Variants in CFLAR observed in about 807,000 individuals in gnomAD.
CFLAR encodes CASP8 and FADD-like apoptosis regulator.
Under a neutral mutation model 51.1 loss-of-function variants are expected in CFLAR, and 14 were observed. That is an observed-to-expected ratio of 0.27 (90% confidence interval 0.18 to 0.43). The LOEUF (loss-of-function observed/expected upper bound fraction) is 0.43. Among genes scored for constraint, CFLAR ranks in the 20% least tolerant of loss-of-function variants. The probability of loss-of-function intolerance (pLI) is 1.00; values close to 1 mark genes in which losing one functional copy is unlikely to be tolerated. For missense variants in CFLAR, 390 were observed against 566.5 expected (o/e 0.69, Z 3.16); for synonymous variants, 210 against 211.6 (o/e 0.99, Z 0.06).
intron 6 of CFLAR, chr2:201,148,795 C>G (rs1213667894): frequency 2.0e-6 from 1 of 490,974 alleles, no homozygotes; most frequent in African/African-American, 2.0e-5. Flanking sequence ...TCCAGATAGC[C>G]CCTGATAGCA....
intron 3 of CFLAR, 90 bp downstream of exon 3, chr2:201,133,224 C>G (rs1269260353): frequency 7.9e-6 from 7 of 883,616 alleles, no homozygotes; most frequent in Non-Finnish European, 1.1e-5. Context: ...AGCAGGCAGT[C>G]TGCCGCCACT....
intron 8 of CFLAR, among the ~76,000 whole-genome samples, chr2:201,155,285 CAG>C (rs1941971451): frequency 2.7e-5 from 4 of 149,416 alleles, no homozygotes. Flanking sequence ...TTTTTTGAGA[CAG>C]AGTCTCGCTC....
chr2:201,146,095 T>C (rs765114724), intron 6 of CFLAR, among the ~76,000 whole-genome samples: 8 of 152,032 alleles, frequency 5.3e-5, no homozygotes, highest in Non-Finnish European at 7.4e-5. Context: ...GCCTCCTGAG[T>C]AGCTGGGATT....
chr2:201,162,102 T>TTTTTGTTTG (rs895745887), intron 9 of CFLAR, among the ~76,000 whole-genome samples: 1 of 151,974 alleles, frequency 6.6e-6, no homozygotes, highest in Non-Finnish European at 1.5e-5. Context: ...AAGTATATCT[T>TTTTTGTTTG]TTTTGTTTGT....
rs1943950367 is a variant in CFLAR, at chr2:201,170,543, A to T, written c.*6570A>T. 4 of 152,248 alleles carry T rather than the reference A, an allele frequency of 2.6e-5. No individual in the cohort carries two copies. Among genetic ancestry groups the T allele is most frequent in the Non-Finnish European group, 5.9e-5 (4 of 68,042 alleles). The allele number at this position is 152,248 out of a possible 1,614,324, so 9.4% of individuals were successfully genotyped here. A position where few individuals can be genotyped will look rare whatever the true frequency, so the allele number is the denominator to read the frequency against. On this transcript the variant is annotated 3_prime_UTR_variant, in exon 10 of 10. Coordinates refer to ENST00000309955, the MANE Select transcript of CFLAR (RefSeq NM_003879.7). ...AGATAAGTAGTTGAATTATGGATTT[A>T]AAATACATATCATTTTCTAACTCCA...
At chr2:201,135,251 G>A (rs1428844085) in intron 3 of CFLAR, among the ~76,000 whole-genome samples, 1 of 152,118 alleles carries the variant, frequency 6.6e-6, no homozygotes, top group African/African-American at 2.4e-5. Context: ...TATAACATGT[G>A]ATTTTTCTCA....
rs969043005 is a variant in CFLAR, at chr2:201,166,545, C to T, written c.*2572C>T. ...TGGGCGGCCGGGCAGAGACGCTCCT[C>T]ACTTCATCCCAGACGGGGTGGCGGC... On this transcript the variant is annotated 3_prime_UTR_variant, in exon 10 of 10. Transcript: ENST00000309955. 1.6e-5 allele frequency: 3 copies of T among 183,970 alleles called. No homozygotes were observed. The highest frequency in any genetic ancestry group is 2.4e-5 in the African/African-American group (1 of 41,694). 11.4% of individuals were successfully genotyped at this position (183,970 alleles called of 1,614,324 possible).
chr2:201,121,961 C>A (rs2048228437), intron 1 of CFLAR, among the ~76,000 whole-genome samples: 2 of 152,158 alleles, frequency 1.3e-5, no homozygotes, highest in African/African-American at 2.4e-5. Flanking sequence ...AGTTAGACAT[C>A]CAGTTCCTCT....
intron 3 of CFLAR, among the ~76,000 whole-genome samples, chr2:201,134,219 A>T (rs2049766664): frequency 1.3e-5 from 2 of 151,986 alleles, no homozygotes; most frequent in South Asian, 4.1e-4. Flanking sequence ...AAGGCAGGAG[A>T]ATCACTTGAA....
rs911698197 is a variant in CFLAR, at chr2:201,176,650, T to A, written c.*12677T>A. On this transcript the variant is annotated 3_prime_UTR_variant, in exon 10 of 10. Coordinates refer to ENST00000309955, the MANE Select transcript of CFLAR (RefSeq NM_003879.7). ...AAGGCCTTTCTGCGTTTATCTTACC[T>A]TTTTTGAGCAGCATTAAAACTGTTT... 6.6e-6 allele frequency: 1 copy of A among 152,102 alleles called. No individual in the cohort carries two copies. Among genetic ancestry groups the A allele is most frequent in the African/African-American group, 2.4e-5 (1 of 41,412 alleles). The allele number at this position is 152,102 out of a possible 1,614,324, so 9.4% of individuals were successfully genotyped here. A position where few individuals can be genotyped will look rare whatever the true frequency, so the allele number is the denominator to read the frequency against.
At chr2:201,145,355 GA>G (rs1939911934) in intron 5 of CFLAR, 22 bp from the exon 6 acceptor site, 3 of 1,476,922 alleles carry the variant, frequency 2.0e-6, no homozygotes, top group Non-Finnish European at 2.8e-6. Flanking sequence ...CAGGAAGTAT[GA>G]CCTTATTCTT....
chr2:201,156,943 C>T (rs1942276871), intron 8 of CFLAR, among the ~76,000 whole-genome samples: 1 of 152,180 alleles, frequency 6.6e-6, no homozygotes, highest in South Asian at 2.1e-4. Flanking sequence ...AGGATATGGA[C>T]TCTGTCTGCT....
At position 201,169,499 on chromosome 2, in the gene CFLAR, A is replaced by G. The variant is rs1212027503; in HGVS notation, c.*5526A>G. ...TTAATGTAAAACCTAAAACTATAAA[A>G]ACCCTAGAAGAAAATCTATTTAATA... On this transcript the variant is annotated 3_prime_UTR_variant, in exon 10 of 10. Transcript: ENST00000309955. The G allele has an allele frequency of 1.3e-5, 2 of 152,204 alleles. No homozygotes were observed. The highest frequency in any genetic ancestry group is 4.8e-5 in the African/African-American group (2 of 41,464). The allele number at this position is 152,204 out of a possible 1,614,324, so 9.4% of individuals were successfully genotyped here.
rs1361265305 is a variant in CFLAR at position 201,170,353 on chromosome 2, T to C, written c.*6380T>C. The C allele has an allele frequency of 6.6e-6, 1 of 152,192 alleles. No individual in the cohort carries two copies. Among genetic ancestry groups the C allele is most frequent in the Non-Finnish European group, 1.5e-5 (1 of 68,038 alleles). 9.4% of individuals were successfully genotyped at this position (152,192 alleles called of 1,614,324 possible). A position where few individuals can be genotyped will look rare whatever the true frequency, so the allele number is the denominator to read the frequency against. On this transcript the variant is annotated 3_prime_UTR_variant, in exon 10 of 10. Transcript: ENST00000309955. Reference sequence around the variant, plus strand: ...GTTATTACTGAACGTGAAAAAGTAATGTTTGTATTGAAATCTTGAGTCTGG... The same window carrying C: ...GTTATTACTGAACGTGAAAAAGTAACGTTTGTATTGAAATCTTGAGTCTGG...
In CFLAR at chr2:201,172,709, A is replaced by G. The variant is rs774241243; in HGVS notation, c.*8736A>G. 12 of 152,198 alleles carry G rather than the reference A, an allele frequency of 7.9e-5. No individual in the cohort carries two copies. Among genetic ancestry groups the G allele is most frequent in the Non-Finnish European group, 1.5e-4 (10 of 68,030 alleles). The allele number at this position is 152,198 out of a possible 1,614,324, so 9.4% of individuals were successfully genotyped here. The stretch of plus-strand genomic sequence containing the variant: ...ACTTAGCATGTTTCAAGGTTCATCT[A>G]TGCTATAGAGTGTACCAGTGCTTCA... On this transcript the variant is annotated 3_prime_UTR_variant, in exon 10 of 10. Coordinates refer to ENST00000309955, the MANE Select transcript of CFLAR (RefSeq NM_003879.7).
At chr2:201,132,430 A>AATATATAT (rs35648857) in intron 2 of CFLAR, among the ~76,000 whole-genome samples, 157 of 137,956 alleles carry the variant, frequency 1.1e-3, no homozygotes, top group African/African-American at 2.2e-3. Flanking sequence ...GGGGGGGAAA[A>AATATATAT]ATATATATAT....
intron 3 of CFLAR, among the ~76,000 whole-genome samples, chr2:201,134,687 A>AAAAT (rs2049865838): frequency 6.6e-6 from 1 of 151,294 alleles, no homozygotes; most frequent in Non-Finnish European, 1.5e-5. Flanking sequence ...AAAATAAAAA[A>AAAAT]ATATAAAATA....
chr2:201,148,309 T>A (rs564418439), intron 6 of CFLAR: 9 of 152,284 alleles, frequency 5.9e-5, no homozygotes, highest in South Asian at 4.1e-4. Flanking sequence ...TATCTTTTTT[T>A]AATTTTTTTC....
In CFLAR at chr2:201,140,456, CAT is replaced by C. The variant is rs145958388; in HGVS notation, c.606+20_606+21del. The stretch of plus-strand genomic sequence containing the variant: ...AACTTCAGGGTGAGTCTGGAGAAAA[CAT>C]ATGGAATCCCAGCATGAAACCGTTT... On this transcript the variant is annotated intron_variant, in intron 5 of 9. Coordinates refer to ENST00000309955, the MANE Select transcript of CFLAR (RefSeq NM_003879.7). 7.1e-4 allele frequency: 1,109 copies of C among 1,564,730 alleles called. 20 individuals carry two copies. The East Asian group carries it at 0.019, about 27-fold the overall frequency.
Sources: allele counts gnomAD v4.1 joint callset (sites outside exome capture counted in the v4.1 genomes callset), GRCh38; gene constraint gnomAD v4.1.1; transcripts MANE v1.5; gene names NCBI Gene and HGNC (gene_info 2026-07-23, HGNC 2026-07-21).